Variants in ITGB3BP observed in about 807,000 individuals in gnomAD.
ITGB3BP encodes integrin subunit beta 3 binding protein.
A neutral mutation model predicts 29.1 loss-of-function variants in ITGB3BP; 27 were observed. The observed-to-expected ratio is 0.93, with a 90% CI of 0.68 to 1.28. The LOEUF is 1.28. Among genes scored for constraint, ITGB3BP ranks in the 50% most tolerant of loss-of-function variants. The pLI, the probability that ITGB3BP is intolerant of heterozygous loss-of-function variation, is 0.00. For missense variants in ITGB3BP, 192 were observed against 200.2 expected, an observed-to-expected ratio of 0.96 and a Z score of 0.25; for synonymous variants, 61 against 61.4, an observed-to-expected ratio of 0.99 and a Z score of 0.03.
At chr1:63,516,034 G>A (rs1281182756) in intron 1 of ITGB3BP, among the ~76,000 whole-genome samples, 5 of 151,438 alleles carry the variant, frequency 3.3e-5, no homozygotes. Flanking sequence ...ATACACCATG[G>A]AACACTATGC....
At position 63,504,419 on chromosome 1, in the gene ITGB3BP, G is replaced by A. The variant is rs372005895; in HGVS notation, c.48+4109C>T. On this transcript the variant is annotated intron_variant, in intron 2 of 8. Transcript: ENST00000271002. ...GCTTAAGGAGATTTTGGGCTGAGAC[G>A]ATGGGGTTTTCTAGATATACAATCA... Among the ~76,000 whole-genome samples the A allele has an allele frequency of 9.6e-3, 1,453 of 151,928 alleles. 46 individuals carry two copies. The highest frequency in any genetic ancestry group is 0.032 in the African/African-American group (1,331 of 41,234).
intron 4 of ITGB3BP, among the ~76,000 whole-genome samples, chr1:63,473,564 G>T (rs1390576376): frequency 4.0e-5 from 4 of 100,798 alleles, no homozygotes; most frequent in Non-Finnish European, 8.9e-5. Context: ...CATCTGGGAG[G>T]GGGGAGGGGG....
In ITGB3BP at chr1:63,478,516, G is replaced by C. The variant is rs142771146; in HGVS notation, c.254+248C>G. Among the ~76,000 whole-genome samples, 19 of 152,230 alleles carry C rather than the reference G, an allele frequency of 1.2e-4. No individual in the cohort carries two copies. The East Asian group carries it at 3.7e-3, about 29-fold the overall frequency. Reference sequence around the variant, plus strand: ...GTCTTCCTCAGTTTTACCCTGCGCTGGTCTATTACGCATAGGCTCGGAGAA... The same window carrying C: ...GTCTTCCTCAGTTTTACCCTGCGCTCGTCTATTACGCATAGGCTCGGAGAA... On this transcript the variant is annotated intron_variant, in intron 4 of 8. Coordinates refer to ENST00000271002, the MANE Select transcript of ITGB3BP (RefSeq NM_014288.5).
At chr1:63,460,966 G>A (rs1205399575) in intron 4 of ITGB3BP, among the ~76,000 whole-genome samples, 6 of 151,680 alleles carry the variant, frequency 4.0e-5, no homozygotes, top group Admixed American at 2.0e-4. Flanking sequence ...AAGGCCTGGC[G>A]CCGTGGCTCA....
chr1:63,453,947 AAC>A lies in ITGB3BP; in HGVS notation c.453_454del (p.Phe152Ter), dbSNP rs759604517. ...GTGAGGAAGTCCTGTACTCTTTTCAAACAGTTTTTGTTTATTCACTTTTGTCA... is the reference window on the plus strand; with the variant it reads ...GTGAGGAAGTCCTGTACTCTTTTCAAAGTTTTTGTTTATTCACTTTTGTCA... On this transcript the variant is annotated frameshift_variant, in exon 7 of 9. Coordinates refer to ENST00000271002, the MANE Select transcript of ITGB3BP (RefSeq NM_014288.5). LOFTEE classifies it high-confidence loss of function. 12 of 1,581,140 alleles carry A rather than the reference AAC, an allele frequency of 7.6e-6. No individual in the cohort carries two copies. Among genetic ancestry groups the A allele is most frequent in the Non-Finnish European group, 1.0e-5 (12 of 1,156,636 alleles).
intron 7 of ITGB3BP, chr1:63,451,911 T>C (rs894845456): frequency 2.0e-5 from 3 of 152,106 alleles, no homozygotes; most frequent in Admixed American, 6.6e-5. Flanking sequence ...CATACTTATA[T>C]AGATACTATG....
At chr1:63,475,000 G>A (rs901120799) in intron 4 of ITGB3BP, among the ~76,000 whole-genome samples, 12 of 152,140 alleles carry the variant, frequency 7.9e-5, no homozygotes, top group African/African-American at 2.7e-4. Flanking sequence ...ATTGAGATGA[G>A]GTCTCACCCG....
At chr1:63,467,558 A>G (rs778541498) in intron 4 of ITGB3BP, among the ~76,000 whole-genome samples, 27 of 152,108 alleles carry the variant, frequency 1.8e-4, no homozygotes, top group Non-Finnish European at 2.9e-4. Flanking sequence ...GAATGTAGAG[A>G]TGGAGTCTCG....
chr1:63,472,926 C>T (rs993177574), intron 4 of ITGB3BP, among the ~76,000 whole-genome samples: 2 of 152,162 alleles, frequency 1.3e-5, no homozygotes, highest in African/African-American at 2.4e-5. Flanking sequence ...GCGTCTCTGC[C>T]TGGCCGCCCA....
At chr1:63,495,962 C>G (rs946329109) in intron 2 of ITGB3BP, among the ~76,000 whole-genome samples, 2 of 152,084 alleles carry the variant, frequency 1.3e-5, no homozygotes, top group African/African-American at 4.8e-5. Context: ...CTACTCATAA[C>G]CCATTCTTGA....
At chr1:63,489,747 C>T (rs1374387576) in intron 3 of ITGB3BP, among the ~76,000 whole-genome samples, 1 of 151,928 alleles carries the variant, frequency 6.6e-6, no homozygotes, top group Admixed American at 6.6e-5. Context: ...TGCAGCAGCA[C>T]CTGAATTATG....
intron 4 of ITGB3BP, among the ~76,000 whole-genome samples, chr1:63,463,357 T>TA (rs34832514): frequency 2.0e-5 from 3 of 151,162 alleles, no homozygotes; most frequent in Non-Finnish European, 4.4e-5. Flanking sequence ...CTACACGTGA[T>TA]AAAATTGCAC....
intron 1 of ITGB3BP, among the ~76,000 whole-genome samples, chr1:63,514,944 C>CAAAAAA (rs55738892): frequency 3.4e-5 from 4 of 117,060 alleles, no homozygotes; most frequent in East Asian, 2.4e-4. Context: ...GACTCTGTCT[C>CAAAAAA]AAAAAAAAAA....
At position 63,441,115 on chromosome 1, in the gene ITGB3BP, A is replaced by ATATCTC. The variant is rs1644723862; in HGVS notation, c.*2-13_*2-12insGAGATA. 2.0e-5 allele frequency: 3 copies of ATATCTC among 152,410 alleles called. No individual in the cohort carries two copies. Among genetic ancestry groups the ATATCTC allele is most frequent in the Admixed American group, 6.5e-5 (1 of 15,290 alleles). The allele number at this position is 152,410 out of a possible 1,614,324, so 9.4% of individuals were successfully genotyped here. Reference sequence around the variant, plus strand: ...TTTCTTCTTAATGCCTGTGAGATATAAAAGATAATTATATTATCAAGAATT... The same window carrying ATATCTC: ...TTTCTTCTTAATGCCTGTGAGATATATATCTCAAAGATAATTATATTATCAAGAATT... On this transcript the variant is annotated splice_polypyrimidine_tract_variant and intron_variant, in intron 8 of 8. Transcript: ENST00000271002.
At chr1:63,508,935 G>A (rs971802278) in intron 1 of ITGB3BP, among the ~76,000 whole-genome samples, 4 of 152,062 alleles carry the variant, frequency 2.6e-5, no homozygotes, top group African/African-American at 9.7e-5. Context: ...ATATATAAGA[G>A]CAAAATAATT....
At chr1:63,478,535 C>T (rs1439814916) in intron 4 of ITGB3BP, among the ~76,000 whole-genome samples, 1 of 152,270 alleles carries the variant, frequency 6.6e-6, no homozygotes, top group Non-Finnish European at 1.5e-5. Flanking sequence ...CGCATAGGCT[C>T]GGAGAACAGG....
chr1:63,474,377 G>A (rs879724475), intron 4 of ITGB3BP, among the ~76,000 whole-genome samples: 8,370 of 118,112 alleles, frequency 0.071, no homozygotes, highest in Non-Finnish European at 0.11. Flanking sequence ...GCCCGGCCAC[G>A]ACCCCGTCTG....
At chr1:63,527,045 G>A (rs1375730711), upstream of ITGB3BP, among the ~76,000 whole-genome samples, 1 of 152,224 alleles carries the variant, frequency 6.6e-6, no homozygotes, top group South Asian at 2.1e-4. Context: ...CATTATAGGC[G>A]TGAGCCACCA....
At chr1:63,448,695 C>T (rs1230432033) in intron 7 of ITGB3BP, among the ~76,000 whole-genome samples, 1 of 152,094 alleles carries the variant, frequency 6.6e-6, no homozygotes, top group Non-Finnish European at 1.5e-5. Context: ...AAACCAATTT[C>T]TACTAAATGT....
Sources: allele counts gnomAD v4.1 joint callset (sites outside exome capture counted in the v4.1 genomes callset), GRCh38; gene constraint gnomAD v4.1.1; transcripts MANE v1.5; gene names NCBI Gene and HGNC (gene_info 2026-07-23, HGNC 2026-07-21).